The following GRIK2 variants were observed in gnomAD, a reference collection of about 807,000 sequenced individuals.
GRIK2 encodes glutamate receptor ionotropic, kainate 2.
GRIK2 carries 32 observed loss-of-function variants against 100.3 expected under a neutral mutation model. That is an observed-to-expected ratio of 0.32 (90% CI 0.24 to 0.43). The LOEUF is 0.43. GRIK2 is among the 20% of genes least tolerant of loss of function. GRIK2 has a pLI of 1.00. For synonymous variants in GRIK2, 417 were observed against 389.4 expected, an observed-to-expected ratio of 1.07 and a Z score of -0.83; for missense variants, 843 against 1,114.9, an observed-to-expected ratio of 0.76 and a Z score of 3.47.
chr6:101,757,111 A>G (rs1360030396), intron 7 of GRIK2, among the ~76,000 whole-genome samples: 1 of 152,150 alleles, frequency 6.6e-6, no homozygotes. Flanking sequence ...ATGAGAAAAG[A>G]AAATATATGC....
At chr6:101,736,467 C>A (rs117168434) in intron 7 of GRIK2, among the ~76,000 whole-genome samples, 7 of 152,170 alleles carry the variant, frequency 4.6e-5, no homozygotes, top group African/African-American at 1.4e-4. Flanking sequence ...GTTCCCAAAC[C>A]GCATTTCCTG....
intron 16 of GRIK2, among the ~76,000 whole-genome samples, chr6:102,058,856 A>G (rs1195543434): frequency 6.6e-6 from 1 of 151,450 alleles, no homozygotes; most frequent in Non-Finnish European, 1.5e-5. Context: ...ATTGGTGACT[A>G]AATAGTTTGT....
intron 7 of GRIK2, among the ~76,000 whole-genome samples, chr6:101,710,123 T>C (rs1485956881): frequency 6.6e-6 from 1 of 151,922 alleles, no homozygotes; most frequent in Non-Finnish European, 1.5e-5. Context: ...CAGAATTACA[T>C]TTACTATGTT....
intron 7 of GRIK2, among the ~76,000 whole-genome samples, chr6:101,760,616 AATTATATGTT>A (rs1230411678): frequency 9.5e-6 from 1 of 105,690 alleles, no homozygotes; most frequent in Non-Finnish European, 1.8e-5. Context: ...AATTATATTT[AATTATATGTT>A]TAATTATATA....
intron 2 of GRIK2, among the ~76,000 whole-genome samples, chr6:101,614,702 A>G (rs1219766869): frequency 6.6e-6 from 1 of 151,786 alleles, no homozygotes; most frequent in African/African-American, 2.4e-5. Flanking sequence ...GATTGGTATA[A>G]CATTTGATGG....
intron 2 of GRIK2, among the ~76,000 whole-genome samples, chr6:101,489,894 G>A (rs1773016246): frequency 6.8e-6 from 1 of 146,618 alleles, no homozygotes; most frequent in Non-Finnish European, 1.5e-5. Flanking sequence ...TTGAAAATAT[G>A]ACATTCCTTG....
chr6:101,413,874 G>T (rs1429242365), intron 2 of GRIK2, among the ~76,000 whole-genome samples: 1 of 117,452 alleles, frequency 8.5e-6, no homozygotes, highest in Non-Finnish European at 1.9e-5. Context: ...CATACAATTT[G>T]CTATTTGTTC....
intron 14 of GRIK2, among the ~76,000 whole-genome samples, chr6:101,971,387 CAGTATT>C (rs1381486870): frequency 2.6e-5 from 4 of 151,968 alleles, no homozygotes; most frequent in Admixed American, 2.6e-4. Flanking sequence ...TAAACCAAGG[CAGTATT>C]ATGTTTCCAT....
chr6:101,512,055 T>G (rs1774346639), intron 2 of GRIK2, among the ~76,000 whole-genome samples: 1 of 100,004 alleles, frequency 1.0e-5, no homozygotes, highest in African/African-American at 6.2e-5. Context: ...AAAAGATACA[T>G]ACATATATAT....
At chr6:101,623,597 A>G (rs752656886) in intron 3 of GRIK2, among the ~76,000 whole-genome samples, 2 of 152,152 alleles carry the variant, frequency 1.3e-5, no homozygotes, top group Non-Finnish European at 2.9e-5. Flanking sequence ...TCAAATGAAC[A>G]GCATAAAAAA....
chr6:101,927,379 T>C (rs2128471290), intron 13 of GRIK2: 1 of 340,450 alleles, frequency 2.9e-6, no homozygotes, highest in Non-Finnish European at 4.2e-6. Context: ...CAAACACAAA[T>C]AAAATTAAGT....
chr6:101,578,483 G>C (rs1468297715), intron 2 of GRIK2, among the ~76,000 whole-genome samples: 3 of 152,128 alleles, frequency 2.0e-5, no homozygotes, highest in African/African-American at 7.2e-5. Context: ...TATGTGTGCT[G>C]GTGCCAAGAG....
chr6:101,429,003 T>C (rs1014266074), intron 2 of GRIK2, among the ~76,000 whole-genome samples: 9 of 152,226 alleles, frequency 5.9e-5, no homozygotes, highest in African/African-American at 1.7e-4. Flanking sequence ...ACTTTTTAAT[T>C]AACTACAACT....
chr6:101,599,298 A>C, intron 2 of GRIK2, among the ~76,000 whole-genome samples: 1 of 151,484 alleles, frequency 6.6e-6, no homozygotes, highest in African/African-American at 2.4e-5. Context: ...CCTGTATTAT[A>C]TTTCTTGATC....
At chr6:101,925,434 A>G (rs1318524854) in intron 13 of GRIK2, among the ~76,000 whole-genome samples, 1 of 151,948 alleles carries the variant, frequency 6.6e-6, no homozygotes, top group Non-Finnish European at 1.5e-5. Flanking sequence ...TTTCAAGCAG[A>G]ATTTTAATAT....
At chr6:101,586,900 A>C (rs1175495829) in intron 2 of GRIK2, among the ~76,000 whole-genome samples, 4 of 150,178 alleles carry the variant, frequency 2.7e-5, no homozygotes, top group African/African-American at 9.7e-5. Flanking sequence ...AACAAAAAAA[A>C]AAAAAAAAAA....
chr6:101,395,050 A>G (rs1442201111), intron 1 of GRIK2, among the ~76,000 whole-genome samples: 1 of 152,264 alleles, frequency 6.6e-6, no homozygotes, highest in Non-Finnish European at 1.5e-5. Flanking sequence ...AAATGTCATT[A>G]ATCATCAATG....
intron 14 of GRIK2, among the ~76,000 whole-genome samples, chr6:101,951,463 T>C (rs1791600537): frequency 6.6e-6 from 1 of 152,202 alleles, no homozygotes; most frequent in African/African-American, 2.4e-5. Context: ...GGATTCAGTA[T>C]ATGCGTGTTT....
At chr6:101,700,663 A>G (rs1057068050) in intron 7 of GRIK2, among the ~76,000 whole-genome samples, 2 of 152,140 alleles carry the variant, frequency 1.3e-5, no homozygotes, top group African/African-American at 4.8e-5. Context: ...GCTCAAGGAC[A>G]TTTGATTAGT....
Sources: gnomAD v4.1 joint callset for allele counts (sites outside exome capture counted in the v4.1 genomes callset) on GRCh38, gnomAD v4.1.1 for gene constraint, MANE v1.5 for transcripts, NCBI Gene and HGNC (gene_info 2026-07-23, HGNC 2026-07-21) for gene names.